The following VIRMA variants were observed in gnomAD, a reference collection of about 807,000 sequenced individuals.
VIRMA encodes the protein vir like m6A methyltransferase associated, also known as protein virilizer homolog.
Under a neutral mutation model 182.4 loss-of-function variants are expected in VIRMA, and 65 were observed. The ratio of observed to expected loss-of-function variants is 0.36; its 90% CI spans 0.29 to 0.44. The LOEUF is 0.44. VIRMA is among the 20% of genes least tolerant of loss of function. The probability of loss-of-function intolerance (pLI) is 1.00; values close to 1 mark genes in which losing one functional copy is unlikely to be tolerated. For synonymous variants in VIRMA, 709 were observed against 743.1 expected (o/e 0.95, Z 0.75); for missense variants, 1,752 against 2,158.1 (o/e 0.81, Z 3.73).
chr8:94,490,067 C>A lies in VIRMA; in HGVS notation c.5156G>T (p.Arg1719Leu). The stretch of plus-strand genomic sequence containing the variant: ...CCAACTGGAGCCTCTTGTTCCTTCC[C>A]GACGACTGTAGTTTCCTAAACACAA... ...PPASKGNYSR[R>L]EGTRGSSWSA... Residue 1719 changes from arginine (R) to leucine (L), a missense_variant, in exon 23 of 24, where the codon CGG becomes CTG. By Grantham distance (102) the Arg-to-Leu change is moderately radical. Around this residue, in one of 11 missense-constraint regions of VIRMA, gnomAD observed 132 missense variants for 173.8 expected, o/e 0.76. Transcript: ENST00000297591. 6.2e-7 allele frequency: 1 copy of A among 1,610,856 alleles called. No individual in the cohort carries two copies. The highest frequency in any genetic ancestry group is 8.5e-7 in the Non-Finnish European group (1 of 1,179,128).
intron 18 of VIRMA, 31 bp downstream of exon 18, chr8:94,496,297 C>G (rs377319791): frequency 5.7e-6 from 9 of 1,591,980 alleles, no homozygotes; most frequent in Non-Finnish European, 7.7e-6. Context: ...GAAAATAGGC[C>G]TTAAGAACGC....
At chr8:94,544,302 C>A (rs1476290841) in intron 1 of VIRMA, among the ~76,000 whole-genome samples, 3 of 152,084 alleles carry the variant, frequency 2.0e-5, no homozygotes, top group South Asian at 2.1e-4. Context: ...TACTTTAGAC[C>A]CCCAGTGGCT....
intron 18 of VIRMA, 21 bp from the exon 19 acceptor site, chr8:94,495,912 A>G (rs752838511): frequency 2.1e-5 from 34 of 1,605,660 alleles, no homozygotes; most frequent in Non-Finnish European, 2.7e-5. Context: ...ATAAAGGCAG[A>G]ATAAGAAGGT....
intron 1 of VIRMA, among the ~76,000 whole-genome samples, chr8:94,548,012 G>A (rs1283247477): frequency 6.6e-6 from 1 of 150,832 alleles, no homozygotes; most frequent in Non-Finnish European, 1.5e-5. Context: ...TCCAACCTGG[G>A]CAACAGAGCA....
intron 17 of VIRMA, 23 bp downstream of exon 17, chr8:94,499,345 TACACAA>T: frequency 1.4e-6 from 2 of 1,465,580 alleles, no homozygotes; most frequent in South Asian, 2.5e-5. Context: ...CATACATATA[TACACAA>T]ACACAAACAC....
intron 14 of VIRMA, 36 bp downstream of exon 14, chr8:94,510,381 T>C: frequency 6.5e-7 from 1 of 1,547,836 alleles, no homozygotes; most frequent in Non-Finnish European, 8.9e-7. Flanking sequence ...TCAAAAATAA[T>C]TTGAGGAAAA....
chr8:94,519,221 C>T lies in VIRMA; in HGVS notation c.2277G>A (p.Leu759=), dbSNP rs1814669991. Residue 759 remains leucine, a synonymous_variant, in exon 9 of 24, where the codon TTG becomes TTA. Coordinates refer to ENST00000297591, the MANE Select transcript of VIRMA (RefSeq NM_015496.5). ...SDGVIDDAFA[L]WLQDSTQTLQ... ...ATGTCTGTGTTGAGTCCTGTAGCCA[C>T]AAGGCAAATGCATCATCAATAACAC... 6.2e-7 allele frequency: 1 copy of T among 1,614,192 alleles called. No homozygotes were observed. Among genetic ancestry groups the T allele is most frequent in the Non-Finnish European group, 8.5e-7 (1 of 1,180,034 alleles).
intron 6 of VIRMA, among the ~76,000 whole-genome samples, chr8:94,530,568 G>T (rs932104024): frequency 1.3e-5 from 2 of 151,990 alleles, no homozygotes. Context: ...TGCACAGCAT[G>T]GGGGGAGACT....
Position 94,534,820 on chromosome 8 carries a change from G to C in VIRMA, c.484+19C>G. The C allele has an allele frequency of 1.2e-6, 2 of 1,603,790 alleles. No homozygotes were observed. The highest frequency in any genetic ancestry group is 1.7e-6 in the Non-Finnish European group (2 of 1,176,550). ...ACGGATATAAGTTTCACTTGCAAAA[G>C]CAAATTTAAAATTCTCACCATGTTT... On this transcript the variant is annotated intron_variant, in intron 5 of 23. Transcript: ENST00000297591.
At chr8:94,499,293 A>C in intron 17 of VIRMA, 81 bp downstream of exon 17, 5 of 955,618 alleles carry the variant, frequency 5.2e-6, no homozygotes, top group Non-Finnish European at 7.5e-6. Flanking sequence ...GAGCCATCGT[A>C]CTTGGCCAAA....
At chr8:94,553,108 GC>G (rs1431335491) in intron 1 of VIRMA, among the ~76,000 whole-genome samples, 5 of 151,854 alleles carry the variant, frequency 3.3e-5, no homozygotes, top group Non-Finnish European at 5.9e-5. Flanking sequence ...CCTTCTCAAG[GC>G]CCAAACCTGA....
chr8:94,544,194 A>T (rs181543149), intron 1 of VIRMA, among the ~76,000 whole-genome samples: 2 of 144,964 alleles, frequency 1.4e-5, no homozygotes, highest in East Asian at 3.9e-4. Flanking sequence ...ACTAATATAG[A>T]CACAGAGTCC....
rs551807021 is a variant in VIRMA, at chr8:94,506,470, G to A, written c.4097+30C>T. 3.6e-6 allele frequency: 5 copies of A among 1,389,754 alleles called. No homozygotes were observed. The Middle Eastern group carries it at 5.5e-4, about 153-fold the overall frequency. The allele number at this position is 1,389,754 out of a possible 1,614,324, so 86.1% of individuals were successfully genotyped here. A position where few individuals can be genotyped will look rare whatever the true frequency, so the allele number is the denominator to read the frequency against. ...GTGACAGAATGAAAAAATTAAATCTGAGAGTATATTAAATTAGACAAATCA... is the reference window on the plus strand; with the variant it reads ...GTGACAGAATGAAAAAATTAAATCTAAGAGTATATTAAATTAGACAAATCA... On this transcript the variant is annotated intron_variant, in intron 16 of 23. Coordinates refer to ENST00000297591, the MANE Select transcript of VIRMA (RefSeq NM_015496.5).
intron 16 of VIRMA, among the ~76,000 whole-genome samples, chr8:94,506,099 A>G (rs1443378158): frequency 1.3e-5 from 2 of 152,294 alleles, no homozygotes; most frequent in East Asian, 1.9e-4. Flanking sequence ...TTGGTATCCA[A>G]TTCCCCATAG....
intron 8 of VIRMA, among the ~76,000 whole-genome samples, chr8:94,521,113 G>A (rs570886540): frequency 2.0e-5 from 3 of 151,612 alleles, no homozygotes; most frequent in Admixed American, 6.6e-5. Flanking sequence ...ATAGGTAAAC[G>A]TGTGCCATGG....
At chr8:94,547,683 T>C (rs1269924773) in intron 1 of VIRMA, among the ~76,000 whole-genome samples, 1 of 150,806 alleles carries the variant, frequency 6.6e-6, no homozygotes, top group Admixed American at 6.6e-5. Flanking sequence ...TAACTAAAAA[T>C]GTGTAAAACA....
intron 11 of VIRMA, 35 bp downstream of exon 11, chr8:94,514,834 C>T: frequency 8.8e-7 from 1 of 1,135,008 alleles, no homozygotes; most frequent in Non-Finnish European, 1.3e-6. Context: ...CACACAGTTT[C>T]AAAAAGTCAA....
At chr8:94,492,991 A>AAC (rs146663928) in intron 20 of VIRMA, among the ~76,000 whole-genome samples, 173 bp from the exon 21 acceptor site, 9 of 152,070 alleles carry the variant, frequency 5.9e-5, no homozygotes, top group South Asian at 2.1e-4. Flanking sequence ...TTTAAAAACA[A>AAC]ACACACACAC....
chr8:94,552,589 C>T (rs1291015102), intron 1 of VIRMA, among the ~76,000 whole-genome samples: 1 of 151,876 alleles, frequency 6.6e-6, no homozygotes, highest in Non-Finnish European at 1.5e-5. Flanking sequence ...AACAATTTCT[C>T]CGTAGACTTC....
Sources: allele counts gnomAD v4.1 joint callset (sites outside exome capture counted in the v4.1 genomes callset), GRCh38; gene constraint gnomAD v4.1.1; regional missense constraint gnomAD v4.1.1; transcripts MANE v1.5; gene names NCBI Gene and HGNC (gene_info 2026-07-23, HGNC 2026-07-21).